The following LDAH variants were observed in gnomAD, a reference collection of about 807,000 sequenced individuals.
LDAH encodes lipid droplet associated hydrolase.
In LDAH, 26 loss-of-function variants were observed where a neutral mutation model predicts 29.6. The observed-to-expected ratio is 0.88, with a 90% confidence interval of 0.64 to 1.22. The LOEUF (loss-of-function observed/expected upper bound fraction) is 1.22, where lower values mean the gene tolerates loss of function less well. Ranked by LOEUF, LDAH falls within the 50% of genes most tolerant of loss-of-function variation. LDAH has a pLI of 0.00. For synonymous variants in LDAH, 117 were observed against 133.0 expected, an observed-to-expected ratio of 0.88 and a Z score of 0.83; for missense variants, 344 against 387.3, an observed-to-expected ratio of 0.89 and a Z score of 0.94.
chr2:20,704,766 C>A (rs1311501517), intron 5 of LDAH, among the ~76,000 whole-genome samples: 2 of 152,158 alleles, frequency 1.3e-5, no homozygotes, highest in Non-Finnish European at 2.9e-5. Flanking sequence ...TTTGTCTTTC[C>A]TAGAATTATT....
intron 2 of LDAH, 157 bp downstream of exon 2, chr2:20,801,153 A>C: frequency 1.2e-5 from 8 of 667,544 alleles, no homozygotes; most frequent in South Asian, 2.3e-5. Context: ...CACAAAATCC[A>C]GACGTCAAAA....
chr2:20,708,044 G>C (rs1247263756), intron 5 of LDAH, among the ~76,000 whole-genome samples: 1 of 152,122 alleles, frequency 6.6e-6, no homozygotes, highest in African/African-American at 2.4e-5. Context: ...GGATTGTCTA[G>C]CTGCAGGAAA....
Position 20,759,357 on chromosome 2 carries a change from T to C in LDAH, c.468+15453A>G, listed in dbSNP as rs151204259. Among the ~76,000 whole-genome samples, 7 of 152,294 alleles carry C rather than the reference T, an allele frequency of 4.6e-5. No homozygotes were observed. In the East Asian group the frequency reaches 9.6e-4, roughly 21 times the overall value. On this transcript the variant is annotated intron_variant, in intron 4 of 6. Coordinates refer to ENST00000237822, the MANE Select transcript of LDAH (RefSeq NM_021925.4). ...ACAATCTTGCTTCTTCCCAAACAAA[T>C]ACAATTAGTCTGAAATGGCCTGGAA...
chr2:20,699,584 T>C (rs1208633649), intron 6 of LDAH, among the ~76,000 whole-genome samples: 2 of 152,216 alleles, frequency 1.3e-5, no homozygotes, highest in African/African-American at 4.8e-5. Context: ...GAAAGGATAA[T>C]GAATTAACTG....
At chr2:20,816,854 A>G (rs1672887863) in intron 1 of LDAH, among the ~76,000 whole-genome samples, 1 of 152,096 alleles carries the variant, frequency 6.6e-6, no homozygotes, top group Admixed American at 6.5e-5. Flanking sequence ...ATTAAAAATT[A>G]TACAGCTTAT....
chr2:20,773,139 A>C (rs1232976546), intron 4 of LDAH, among the ~76,000 whole-genome samples: 3 of 152,172 alleles, frequency 2.0e-5, no homozygotes, highest in Admixed American at 2.0e-4. Context: ...AATAATAATA[A>C]TAGCTAATAC....
chr2:20,697,776 T>G (rs4971548), intron 6 of LDAH, among the ~76,000 whole-genome samples: 20,338 of 152,160 alleles, frequency 0.13, 1,579 homozygotes, highest in East Asian at 0.26. Flanking sequence ...ATGTAAACTT[T>G]GGAAAAATTT....
intron 1 of LDAH, among the ~76,000 whole-genome samples, chr2:20,808,701 A>C (rs537015485): frequency 6.6e-6 from 1 of 152,242 alleles, no homozygotes; most frequent in East Asian, 1.9e-4. Flanking sequence ...TTTGAAGAAC[A>C]ACCACAAAGT....
At chr2:20,753,107 T>C (rs1330000721) in intron 4 of LDAH, among the ~76,000 whole-genome samples, 2 of 152,200 alleles carry the variant, frequency 1.3e-5, no homozygotes, top group Non-Finnish European at 2.9e-5. Context: ...TAACAGCCCA[T>C]GTTTCCAGTG....
intron 4 of LDAH, among the ~76,000 whole-genome samples, chr2:20,750,611 A>AG (rs748168570): frequency 5.9e-5 from 9 of 152,242 alleles, no homozygotes; most frequent in Non-Finnish European, 1.2e-4. Context: ...GACGCTTTTC[A>AG]AATGCATACA....
intron 4 of LDAH, among the ~76,000 whole-genome samples, chr2:20,763,283 CAG>C (rs1668811931): frequency 6.6e-6 from 1 of 152,206 alleles, no homozygotes; most frequent in Admixed American, 6.5e-5. Context: ...TATGAGAAGA[CAG>C]AGCTGACATC....
intron 5 of LDAH, among the ~76,000 whole-genome samples, chr2:20,728,847 T>C (rs1328663936): frequency 6.7e-6 from 1 of 150,108 alleles, no homozygotes; most frequent in Non-Finnish European, 1.5e-5. Flanking sequence ...ACTGAAGTAG[T>C]AGTTATTTGG....
At chr2:20,722,712 A>G (rs1665746226) in intron 5 of LDAH, among the ~76,000 whole-genome samples, 1 of 152,220 alleles carries the variant, frequency 6.6e-6, no homozygotes, top group Admixed American at 6.5e-5. Flanking sequence ...TAAAATATGT[A>G]CAACTATTAT....
At chr2:20,818,453 T>C (rs1673008012) in intron 1 of LDAH, among the ~76,000 whole-genome samples, 1 of 152,152 alleles carries the variant, frequency 6.6e-6, no homozygotes. Context: ...CTTTTTACGC[T>C]TCTGCTGTAA....
rs756800935 is a variant in LDAH, at chr2:20,687,047, G to GTAC, written c.831_833dup (p.Glu277_Tyr278insTer). 1 of 1,613,916 alleles carries GTAC rather than the reference G, an allele frequency of 6.2e-7. No individual in the cohort carries two copies. The highest frequency in any genetic ancestry group is 8.5e-7 in the Non-Finnish European group (1 of 1,179,958). ...GAAAATCCTTCTTAATGTCTTCATA[G>GTAC]TACTCTTTTGGACACCAAGGATCTA... On this transcript the variant is annotated stop_gained, in exon 7 of 7. Transcript: ENST00000237822. LOFTEE classifies it high-confidence loss of function.
At chr2:20,695,686 G>C (rs1235454817) in intron 6 of LDAH, among the ~76,000 whole-genome samples, 1 of 152,050 alleles carries the variant, frequency 6.6e-6, no homozygotes, top group Non-Finnish European at 1.5e-5. Flanking sequence ...CTGACCTCAT[G>C]ATCCACCCGC....
chr2:20,802,631 G>C (rs901541736), intron 1 of LDAH, among the ~76,000 whole-genome samples: 40 of 152,050 alleles, frequency 2.6e-4, no homozygotes, highest in African/African-American at 9.7e-4. Flanking sequence ...AGATTCAAAG[G>C]GCCCTTCTAG....
chr2:20,790,393 G>C lies in LDAH; in HGVS notation c.160C>G (p.Pro54Ala), dbSNP rs774606791. 9.3e-6 allele frequency: 15 copies of C among 1,612,130 alleles called. No individual in the cohort carries two copies. Among genetic ancestry groups the C allele is most frequent in the Non-Finnish European group, 1.2e-5 (14 of 1,179,428 alleles). Residue 54 changes from proline to alanine, a missense_variant, in exon 3 of 7, where the codon CCA (proline) becomes GCA (alanine). Transcript: ENST00000237822. ...GGCACATAAAAGGCAGAAAAACCTG[G>C]GTTACCTAAGAAAAGAAACACAGAC... ...KLLIFIIPGN[P>A]GFSAFYVPFA...
chr2:20,738,938 G>A (rs532436795), intron 5 of LDAH, among the ~76,000 whole-genome samples: 1 of 152,304 alleles, frequency 6.6e-6, no homozygotes, highest in South Asian at 2.1e-4. Context: ...ATACAGCTGA[G>A]CATGGAAAAC....
Sources: allele counts gnomAD v4.1 joint callset (sites outside exome capture counted in the v4.1 genomes callset), GRCh38; gene constraint gnomAD v4.1.1; transcripts MANE v1.5; gene names NCBI Gene and HGNC (gene_info 2026-07-23, HGNC 2026-07-21).